CTNND2: variants seen among roughly 807,000 people sequenced by gnomAD.
CTNND2 encodes catenin delta 2.
Under a neutral mutation model 144.4 loss-of-function variants are expected in CTNND2, and 22 were observed. That is an observed-to-expected ratio of 0.15 (90% CI 0.11 to 0.22). The LOEUF is 0.22. CTNND2 is among the 10% of genes least tolerant of loss of function. CTNND2 has a pLI of 1.00. For missense variants in CTNND2, 1,353 were observed against 1,618.8 expected (o/e 0.84, Z 2.82); for synonymous variants, 751 against 695.6 (o/e 1.08, Z -1.25).
intron 1 of CTNND2, among the ~76,000 whole-genome samples, chr5:11,803,182 T>C (rs1791790280): frequency 6.6e-6 from 1 of 152,054 alleles, no homozygotes; most frequent in Non-Finnish European, 1.5e-5. Flanking sequence ...TAGCTGGGCA[T>C]GGTGGCGCGT....
chr5:11,491,241 C>T lies in CTNND2; in HGVS notation c.287+73703G>A, dbSNP rs183540290. Among the ~76,000 whole-genome samples, 356 of 152,244 alleles carry T rather than the reference C, an allele frequency of 2.3e-3. 3 individuals carry two copies. The highest frequency in any genetic ancestry group is 8.3e-3 in the African/African-American group (345 of 41,560). Reference sequence around the variant, plus strand: ...TTGCTTTCCCAGTGACACATGTCCACCTCCAGGCTCTTTTGGGGAGGTCTC... The same window carrying T: ...TTGCTTTCCCAGTGACACATGTCCATCTCCAGGCTCTTTTGGGGAGGTCTC... On this transcript the variant is annotated intron_variant, in intron 3 of 21. Coordinates refer to ENST00000304623, the MANE Select transcript of CTNND2 (RefSeq NM_001332.4).
Position 11,385,022 on chromosome 5 carries a change from C to A in CTNND2, c.820G>T (p.Gly274Cys). 2 of 1,236,166 alleles carry A rather than the reference C, an allele frequency of 1.6e-6. No individual in the cohort carries two copies. The highest frequency in any genetic ancestry group is 3.7e-5 in the South Asian group (1 of 26,750). 76.6% of individuals were successfully genotyped at this position (1,236,166 alleles called of 1,614,324 possible). ...CGCTGCAGCTTGGTGGGCGAACCGC[C>A]CTGGGGCGCGGCCAGCGGGGAGCCC... ...RGGSPLAAPQ[G>C]GSPTKLQRGG... Residue 274 changes from glycine to cysteine, a missense_variant, in exon 7 of 22, where the codon GGC becomes TGC. Physicochemically the swap from Gly to Cys is radical, Grantham distance 159 (BLOSUM62 -3). Coordinates refer to ENST00000304623, the MANE Select transcript of CTNND2 (RefSeq NM_001332.4).
At position 10,972,054 on chromosome 5, in the gene CTNND2, C is replaced by T. The variant is rs867877925; in HGVS notation, c.*1399G>A. On this transcript the variant is annotated 3_prime_UTR_variant, in exon 22 of 22. Transcript: ENST00000304623. ...TCTATTCCATAGTTGTGTACTGCTC[C>T]CTGCCACATGAACAAAAAGTTTGGG... 3 of 152,600 alleles carry T rather than the reference C, an allele frequency of 2.0e-5. No homozygotes were observed. Among genetic ancestry groups the T allele is most frequent in the Non-Finnish European group, 4.4e-5 (3 of 68,044 alleles). The allele number at this position is 152,600 out of a possible 1,614,324, so 9.5% of individuals were successfully genotyped here.
chr5:11,372,185 A>G (rs1250926552), intron 7 of CTNND2, among the ~76,000 whole-genome samples: 1 of 152,240 alleles, frequency 6.6e-6, no homozygotes, highest in African/African-American at 2.4e-5. Context: ...GGACTCAAAT[A>G]CTTTCCAGCA....
intron 2 of CTNND2, among the ~76,000 whole-genome samples, chr5:11,720,859 G>C (rs1301238402): frequency 6.6e-6 from 1 of 152,164 alleles, no homozygotes; most frequent in African/African-American, 2.4e-5. Context: ...GTGTTGGCAA[G>C]GATGTGAAGA....
intron 3 of CTNND2, among the ~76,000 whole-genome samples, chr5:11,458,569 A>T (rs1387645783): frequency 2.0e-5 from 3 of 152,202 alleles, no homozygotes; most frequent in Non-Finnish European, 4.4e-5. Flanking sequence ...AGAGGTGGAA[A>T]CCAGGAAGAG....
At chr5:11,732,031 T>C (rs1787414361) in intron 2 of CTNND2, 105 bp downstream of exon 2, 2 of 1,031,420 alleles carry the variant, frequency 1.9e-6, no homozygotes, top group African/African-American at 1.6e-5. Flanking sequence ...CTCTGCTACA[T>C]GAGTATGAGT....
chr5:11,348,444 A>AG (rs1755014023), intron 8 of CTNND2, among the ~76,000 whole-genome samples: 1 of 148,736 alleles, frequency 6.7e-6, no homozygotes, highest in African/African-American at 2.4e-5. Context: ...GGGCAAAAAA[A>AG]AAAAAAAAAA....
chr5:11,512,999 T>A (rs1388064522), intron 3 of CTNND2, among the ~76,000 whole-genome samples: 3 of 152,298 alleles, frequency 2.0e-5, no homozygotes, highest in East Asian at 3.9e-4. Context: ...CCATACTCCT[T>A]TCCATATCTT....
At chr5:11,599,852 A>T (rs1011866054) in intron 2 of CTNND2, among the ~76,000 whole-genome samples, 5 of 152,164 alleles carry the variant, frequency 3.3e-5, no homozygotes, top group African/African-American at 1.2e-4. Flanking sequence ...TTGCATGCCC[A>T]GGAACCATAA....
chr5:11,110,633 C>A (rs930575978), intron 14 of CTNND2, among the ~76,000 whole-genome samples: 4 of 151,958 alleles, frequency 2.6e-5, no homozygotes, highest in Admixed American at 2.6e-4. Context: ...GTCTTTTTTT[C>A]TTTTTTAAGT....
chr5:11,338,725 A>G (rs1392336699), intron 9 of CTNND2, among the ~76,000 whole-genome samples: 2 of 152,182 alleles, frequency 1.3e-5, no homozygotes, highest in Non-Finnish European at 2.9e-5. Context: ...TTGGAATGCA[A>G]TTGTTTATTA....
chr5:11,862,295 C>G (rs1469737574), intron 1 of CTNND2, among the ~76,000 whole-genome samples: 1 of 152,066 alleles, frequency 6.6e-6, no homozygotes, highest in Non-Finnish European at 1.5e-5. Flanking sequence ...TAGAAATTTT[C>G]CATTAAAATG....
chr5:11,090,177 C>T (rs1019742108), intron 15 of CTNND2, among the ~76,000 whole-genome samples: 11 of 152,174 alleles, frequency 7.2e-5, no homozygotes, highest in African/African-American at 2.7e-4. Context: ...GAACAGAATA[C>T]TGAGGTGGCA....
chr5:11,594,062 G>A (rs1014930116), intron 2 of CTNND2, among the ~76,000 whole-genome samples: 9 of 152,120 alleles, frequency 5.9e-5, no homozygotes, highest in Non-Finnish European at 1.5e-5. Flanking sequence ...AATTCTACTC[G>A]ATAATGCCAC....
rs555388304 is a variant in CTNND2 at position 11,404,602 on chromosome 5, CTTTTTTTTTTTTTTTTTTTTT to C, written c.439+6913_439+6933del. ...ATCAGTATCTGTCAGTATCTGTATTCTTTTTTTTTTTTTTTTTTTTTTTTTTTTTTTTTTAGACAAAGTCTG... is the reference window on the plus strand; with the variant it reads ...ATCAGTATCTGTCAGTATCTGTATTCTTTTTTTTTTTTTAGACAAAGTCTG... On this transcript the variant is annotated intron_variant, in intron 5 of 21. Coordinates refer to ENST00000304623, the MANE Select transcript of CTNND2 (RefSeq NM_001332.4). 1.9e-4 allele frequency among the ~76,000 whole-genome samples: 11 copies of C among 57,388 alleles called. No individual in the cohort carries two copies. The East Asian group carries it at 3.5e-3, about 18-fold the overall frequency. 37.6% of individuals were successfully genotyped at this position (57,388 alleles called of 152,430 possible).
chr5:11,708,131 C>T (rs1440865142), intron 2 of CTNND2, among the ~76,000 whole-genome samples: 1 of 151,806 alleles, frequency 6.6e-6, no homozygotes, highest in Non-Finnish European at 1.5e-5. Context: ...ACTACAACCT[C>T]CCCATCCCAG....
intron 1 of CTNND2, among the ~76,000 whole-genome samples, chr5:11,776,592 T>C (rs1790266249): frequency 6.6e-6 from 1 of 152,196 alleles, no homozygotes; most frequent in Non-Finnish European, 1.5e-5. Context: ...ATTTATTTTA[T>C]ACATGGGAAC....
At chr5:11,192,831 T>C (rs1736443320) in intron 11 of CTNND2, among the ~76,000 whole-genome samples, 2 of 152,164 alleles carry the variant, frequency 1.3e-5, no homozygotes, top group African/African-American at 4.8e-5. Flanking sequence ...AGCTGCTAAA[T>C]GTGTGGTGAA....
Sources: gnomAD v4.1 joint callset for allele counts (sites outside exome capture counted in the v4.1 genomes callset) on GRCh38, gnomAD v4.1.1 for gene constraint, MANE v1.5 for transcripts, NCBI Gene and HGNC (gene_info 2026-07-23, HGNC 2026-07-21) for gene names.